Variants in CLSTN2 observed in about 807,000 individuals in gnomAD.
CLSTN2 encodes calsyntenin-2.
In CLSTN2, 48 loss-of-function variants were observed where a neutral mutation model predicts 101.2. The observed-to-expected ratio is 0.47, with a 90% CI of 0.38 to 0.60. CLSTN2 has a LOEUF of 0.60. Ranked by LOEUF, CLSTN2 falls within the 20% of genes least tolerant of loss-of-function variation. The pLI, the probability that CLSTN2 is intolerant of heterozygous loss-of-function variation, is 0.00. For missense variants in CLSTN2, 1,160 were observed against 1,238.2 expected, an observed-to-expected ratio of 0.94 and a Z score of 0.95; for synonymous variants, 481 against 463.6, an observed-to-expected ratio of 1.04 and a Z score of -0.48.
chr3:140,529,745 C>T (rs1248380900), intron 8 of CLSTN2, among the ~76,000 whole-genome samples: 2 of 152,194 alleles, frequency 1.3e-5, no homozygotes, highest in Non-Finnish European at 2.9e-5. Context: ...ATTAGGAGCT[C>T]ACTGGGGCAG....
At chr3:140,515,783 C>CAT (rs1053242844) in intron 8 of CLSTN2, among the ~76,000 whole-genome samples, 3 of 152,006 alleles carry the variant, frequency 2.0e-5, no homozygotes, top group African/African-American at 7.2e-5. Context: ...TGTGGCCTAT[C>CAT]ATATGGTCTA....
intron 2 of CLSTN2, among the ~76,000 whole-genome samples, chr3:140,282,639 G>C (rs1450692491): frequency 1.3e-5 from 2 of 151,874 alleles, no homozygotes; most frequent in Non-Finnish European, 2.9e-5. Flanking sequence ...TCCCATATTT[G>C]TCACATCATG....
At chr3:140,054,494 G>T (rs1194701556) in intron 1 of CLSTN2, among the ~76,000 whole-genome samples, 2 of 152,172 alleles carry the variant, frequency 1.3e-5, no homozygotes, top group Non-Finnish European at 2.9e-5. Flanking sequence ...CGGTCAGTAA[G>T]GGGTGGAGAT....
chr3:140,048,328 A>T (rs1267791800), intron 1 of CLSTN2, among the ~76,000 whole-genome samples: 1 of 152,210 alleles, frequency 6.6e-6, no homozygotes, highest in East Asian at 1.9e-4. Flanking sequence ...GAATGAGTGG[A>T]TGAATAAAGA....
intron 5 of CLSTN2, among the ~76,000 whole-genome samples, chr3:140,423,185 T>G (rs1576559267): frequency 6.6e-6 from 1 of 152,224 alleles, no homozygotes; most frequent in East Asian, 1.9e-4. Flanking sequence ...CCTAACAGAA[T>G]TTGTACTTAT....
intron 2 of CLSTN2, among the ~76,000 whole-genome samples, chr3:140,340,570 A>T (rs1310498060): frequency 6.6e-6 from 1 of 152,194 alleles, no homozygotes; most frequent in Non-Finnish European, 1.5e-5. Context: ...GATTGACATA[A>T]AAATTTCAAA....
At chr3:140,162,172 G>T (rs921992118) in intron 1 of CLSTN2, among the ~76,000 whole-genome samples, 1 of 152,100 alleles carries the variant, frequency 6.6e-6, no homozygotes, top group African/African-American at 2.4e-5. Flanking sequence ...TACTATCTTA[G>T]CACTTCTGTA....
chr3:140,003,044 T>C (rs1315879617), intron 1 of CLSTN2, among the ~76,000 whole-genome samples: 2 of 152,192 alleles, frequency 1.3e-5, no homozygotes, highest in Non-Finnish European at 2.9e-5. Flanking sequence ...TTGGCTACTC[T>C]GGGTCTTTTG....
intron 1 of CLSTN2, among the ~76,000 whole-genome samples, chr3:140,009,529 A>G (rs10513093): frequency 0.12 from 17,731 of 152,232 alleles, 1,296 homozygotes; most frequent in Middle Eastern, 0.19. Context: ...TACTCAATAC[A>G]TGGAATCATC....
intron 2 of CLSTN2, among the ~76,000 whole-genome samples, chr3:140,293,112 C>A (rs1250366922): frequency 6.6e-6 from 1 of 152,198 alleles, no homozygotes; most frequent in Non-Finnish European, 1.5e-5. Flanking sequence ...ACAGCATTCC[C>A]AGCCCAGTTG....
chr3:140,525,609 G>T (rs149002960), intron 8 of CLSTN2, among the ~76,000 whole-genome samples: 1,571 of 152,068 alleles, frequency 0.01, 28 homozygotes, highest in African/African-American at 0.036. Flanking sequence ...CAAAAATCTG[G>T]CAGAGACACA....
At chr3:140,188,865 C>G (rs562674211) in intron 2 of CLSTN2, among the ~76,000 whole-genome samples, 1 of 152,260 alleles carries the variant, frequency 6.6e-6, no homozygotes, top group South Asian at 2.1e-4. Context: ...TTACTACAGA[C>G]AAGATACAGA....
At chr3:140,100,146 T>TC (rs1215811655) in intron 1 of CLSTN2, among the ~76,000 whole-genome samples, 1 of 130,862 alleles carries the variant, frequency 7.6e-6, no homozygotes, top group African/African-American at 2.7e-5. Flanking sequence ...GTTGCATTTC[T>TC]CTTTTTTTTT....
chr3:140,509,297 G>C (rs951207886), intron 8 of CLSTN2, among the ~76,000 whole-genome samples: 1 of 152,140 alleles, frequency 6.6e-6, no homozygotes, highest in Non-Finnish European at 1.5e-5. Flanking sequence ...TGAGACAGAG[G>C]TTCTCAAACT....
chr3:140,080,942 G>T (rs904363871), intron 1 of CLSTN2, among the ~76,000 whole-genome samples: 2 of 152,188 alleles, frequency 1.3e-5, no homozygotes, highest in African/African-American at 4.8e-5. Context: ...CTGTGAGAAG[G>T]CTGTGTGTGA....
intron 2 of CLSTN2, among the ~76,000 whole-genome samples, chr3:140,285,088 G>A (rs927209267): frequency 7.2e-5 from 11 of 152,030 alleles, no homozygotes; most frequent in Admixed American, 2.6e-4. Flanking sequence ...AGTGGAGCTC[G>A]GTTTCCCTGG....
At chr3:139,978,337 T>C (rs1286847943) in intron 1 of CLSTN2, among the ~76,000 whole-genome samples, 2 of 152,164 alleles carry the variant, frequency 1.3e-5, no homozygotes, top group Admixed American at 6.5e-5. Context: ...CATTAAAAAC[T>C]CTCTGATATG....
chr3:140,002,170 A>G (rs1264391473), intron 1 of CLSTN2, among the ~76,000 whole-genome samples: 1 of 152,176 alleles, frequency 6.6e-6, no homozygotes, highest in Non-Finnish European at 1.5e-5. Flanking sequence ...GGATGTACTC[A>G]TTTACATTCC....
chr3:139,962,006 A>G (rs1363512331), intron 1 of CLSTN2, among the ~76,000 whole-genome samples: 3 of 152,260 alleles, frequency 2.0e-5, no homozygotes, highest in Middle Eastern at 3.4e-3. Context: ...TAATATTTCA[A>G]TATGTGAGTG....
Sources: allele counts gnomAD v4.1 joint callset (sites outside exome capture counted in the v4.1 genomes callset), GRCh38; gene constraint gnomAD v4.1.1; transcripts MANE v1.5; gene names NCBI Gene and HGNC (gene_info 2026-07-23, HGNC 2026-07-21).